The following ADAMTSL3 variants were observed in gnomAD, a reference collection of about 807,000 sequenced individuals.
ADAMTSL3 encodes ADAMTS-like protein 3.
In ADAMTSL3, 128 loss-of-function variants were observed where a neutral mutation model predicts 201.7. The observed-to-expected ratio is 0.63, with a 90% CI of 0.55 to 0.73. ADAMTSL3 has a LOEUF of 0.73. ADAMTSL3 is among the 30% of genes least tolerant of loss of function. The probability of loss-of-function intolerance (pLI) is 0.00; values close to 1 mark genes in which losing one functional copy is unlikely to be tolerated. For synonymous variants in ADAMTSL3, 738 were observed against 748.4 expected, an observed-to-expected ratio of 0.99 and a Z score of 0.23; for missense variants, 1,990 against 2,119.6, an observed-to-expected ratio of 0.94 and a Z score of 1.20.
chr15:83,930,572 C>G (rs2066336993), intron 17 of ADAMTSL3, among the ~76,000 whole-genome samples: 1 of 152,198 alleles, frequency 6.6e-6, no homozygotes, highest in African/African-American at 2.4e-5. Flanking sequence ...AGTTCTTACA[C>G]ATTCTCTTCC....
intron 9 of ADAMTSL3, among the ~76,000 whole-genome samples, chr15:83,878,217 C>T (rs956176119): frequency 3.3e-5 from 5 of 152,118 alleles, no homozygotes; most frequent in African/African-American, 1.2e-4. Flanking sequence ...ATGGTTTTCT[C>T]CTTTTTCCTT....
intron 6 of ADAMTSL3, among the ~76,000 whole-genome samples, chr15:83,823,208 GA>G (rs1169770193): frequency 6.0e-5 from 4 of 66,982 alleles, no homozygotes; most frequent in African/African-American, 1.4e-4. Context: ...GGGTGAGGGA[GA>G]GGGTGAGGGG....
intron 3 of ADAMTSL3, among the ~76,000 whole-genome samples, chr15:83,709,604 G>A (rs995560943): frequency 6.6e-6 from 1 of 152,158 alleles, no homozygotes; most frequent in African/African-American, 2.4e-5. Flanking sequence ...AAGGGGGATG[G>A]TGTGGTTGTT....
At chr15:83,941,809 T>G (rs1338647049) in intron 17 of ADAMTSL3, among the ~76,000 whole-genome samples, 3 of 152,236 alleles carry the variant, frequency 2.0e-5, no homozygotes, top group Non-Finnish European at 2.9e-5. Flanking sequence ...AATGGTTTCC[T>G]CATGATGTAT....
At chr15:83,804,442 T>C (rs1183214610) in intron 4 of ADAMTSL3, among the ~76,000 whole-genome samples, 1 of 152,176 alleles carries the variant, frequency 6.6e-6, no homozygotes, top group African/African-American at 2.4e-5. Context: ...TCATTCTTTA[T>C]TTAATGTGAC....
At chr15:83,888,552 CAG>C (rs1169002700) in intron 10 of ADAMTSL3, among the ~76,000 whole-genome samples, 1 of 152,082 alleles carries the variant, frequency 6.6e-6, no homozygotes, top group Admixed American at 6.6e-5. Flanking sequence ...AATGGAATTT[CAG>C]AGTTTTTTGG....
At chr15:83,813,379 A>G (rs563337937) in intron 5 of ADAMTSL3, among the ~76,000 whole-genome samples, 14 of 152,354 alleles carry the variant, frequency 9.2e-5, no homozygotes, top group South Asian at 2.1e-4. Flanking sequence ...TGACAGTTGC[A>G]TTTCAGAATT....
rs1237757887 is a variant in ADAMTSL3, at chr15:83,773,646, G to A, written c.313G>A (p.Gly105Arg). Residue 105 changes from glycine (G) to arginine (R), a missense_variant, in exon 4 of 30, where the codon GGA becomes AGA. By Grantham distance (125) the Gly-to-Arg change is moderately radical (BLOSUM62 -2). Coordinates refer to ENST00000286744, the MANE Select transcript of ADAMTSL3 (RefSeq NM_207517.3). The part of the protein sequence containing the change: ...ASYSLRRCLT[G>R]RNCEGQNIRY... ...ATATTCTCTGCGGAGATGTTTGACTGGAAGGTTAGTGGTGGCTTCACTTGC... is the reference window on the plus strand; with the variant it reads ...ATATTCTCTGCGGAGATGTTTGACTAGAAGGTTAGTGGTGGCTTCACTTGC... The A allele has an allele frequency of 6.2e-7, 1 of 1,608,438 alleles. No homozygotes were observed.
intron 2 of ADAMTSL3, among the ~76,000 whole-genome samples, chr15:83,675,139 T>C (rs1215320766): frequency 6.6e-6 from 1 of 152,028 alleles, no homozygotes; most frequent in Non-Finnish European, 1.5e-5. Context: ...TAGGAAGGGT[T>C]CTTTTTTAGA....
chr15:83,999,526 C>T (rs572081070), intron 23 of ADAMTSL3, among the ~76,000 whole-genome samples: 109 of 152,304 alleles, frequency 7.2e-4, no homozygotes, highest in Non-Finnish European at 1.1e-3. Flanking sequence ...AAACCCTACC[C>T]GCCCCCTGTC....
intron 2 of ADAMTSL3, among the ~76,000 whole-genome samples, chr15:83,659,065 G>A (rs1320950317): frequency 5.9e-5 from 9 of 152,196 alleles, no homozygotes; most frequent in Non-Finnish European, 1.3e-4. Context: ...CACCGTGTTT[G>A]CCCCTCGGGA....
intron 23 of ADAMTSL3, among the ~76,000 whole-genome samples, chr15:83,998,037 A>C (rs2067720075): frequency 6.6e-6 from 1 of 152,176 alleles, no homozygotes; most frequent in East Asian, 1.9e-4. Flanking sequence ...AGAAAAAAAA[A>C]AAACAAAAAA....
At chr15:83,977,430 T>C (rs1349081249) in intron 20 of ADAMTSL3, among the ~76,000 whole-genome samples, 11 of 152,144 alleles carry the variant, frequency 7.2e-5, no homozygotes, top group Admixed American at 7.2e-4. Flanking sequence ...AGATCTAGGC[T>C]AGACAGATAA....
At chr15:83,792,393 T>G (rs745871268) in intron 4 of ADAMTSL3, among the ~76,000 whole-genome samples, 2 of 152,108 alleles carry the variant, frequency 1.3e-5, no homozygotes, top group African/African-American at 4.8e-5. Context: ...ACAACAAGTA[T>G]TGGCAAGGAT....
chr15:83,926,574 A>G (rs2066248801), intron 17 of ADAMTSL3, among the ~76,000 whole-genome samples: 1 of 151,600 alleles, frequency 6.6e-6, no homozygotes, highest in Non-Finnish European at 1.5e-5. Context: ...ATCTGCAAAT[A>G]TCATCGTTTC....
rs772006785 is a variant in ADAMTSL3, at chr15:83,983,076, C to G, written c.3448C>G (p.Gln1150Glu). Residue 1150 changes from glutamine (Q) to glutamate (E), a missense_variant, in exon 21 of 30, where the codon CAG (glutamine) becomes GAG (glutamate). Coordinates refer to ENST00000286744, the MANE Select transcript of ADAMTSL3 (RefSeq NM_207517.3). ...CCAGGAAGAGACACCTCCTGCTGCT[C>G]AGCTCAGAGGGGAAACAGGGAGTGT... is the stretch of plus-strand genomic sequence containing the variant. ...GIQEETPPAA[Q>E]LRGETGSVSQ... is the part of the protein sequence containing the mutation. The G allele has an allele frequency of 1.4e-5, 23 of 1,614,014 alleles. No individual in the cohort carries two copies. Among genetic ancestry groups the G allele is most frequent in the Non-Finnish European group, 1.9e-5 (22 of 1,180,024 alleles).
intron 23 of ADAMTSL3, among the ~76,000 whole-genome samples, chr15:83,993,187 A>G (rs997297912): frequency 1.3e-5 from 2 of 152,194 alleles, no homozygotes; most frequent in Non-Finnish European, 2.9e-5. Flanking sequence ...TTTAAGACAG[A>G]TGGTGAAGTT....
At chr15:83,902,638 G>A (rs2065748967) in intron 15 of ADAMTSL3, among the ~76,000 whole-genome samples, 2 of 152,090 alleles carry the variant, frequency 1.3e-5, no homozygotes, top group Admixed American at 1.3e-4. Context: ...GATGTATGTG[G>A]GTTCATATGC....
intron 28 of ADAMTSL3, among the ~76,000 whole-genome samples, chr15:84,036,267 C>G (rs915417339): frequency 8.5e-5 from 13 of 152,180 alleles, no homozygotes; most frequent in African/African-American, 3.1e-4. Context: ...TAGTTTCTGA[C>G]TGCAAGTCTT....
Sources: gnomAD v4.1 joint callset for allele counts (sites outside exome capture counted in the v4.1 genomes callset) on GRCh38, gnomAD v4.1.1 for gene constraint, MANE v1.5 for transcripts, NCBI Gene and HGNC (gene_info 2026-07-23, HGNC 2026-07-21) for gene names.